Variants in CDH6 observed in about 807,000 individuals in gnomAD.
CDH6 encodes the protein cadherin 6.
A neutral mutation model predicts 78.0 loss-of-function variants in CDH6; 31 were observed. The observed-to-expected ratio is 0.40, with a 90% CI of 0.30 to 0.54. The LOEUF (loss-of-function observed/expected upper bound fraction) is 0.54. Ranked by LOEUF, CDH6 falls within the 20% of genes least tolerant of loss-of-function variation. The pLI, the probability that CDH6 is intolerant of heterozygous loss-of-function variation, is 0.56. For synonymous variants in CDH6, 376 were observed against 368.8 expected (o/e 1.02, Z -0.23); for missense variants, 724 against 975.9 (o/e 0.74, Z 3.44).
At chr5:31,275,656 A>G (rs1046813147) in intron 2 of CDH6, among the ~76,000 whole-genome samples, 1 of 152,192 alleles carries the variant, frequency 6.6e-6, no homozygotes, top group East Asian at 1.9e-4. Context: ...ATAATGCTGC[A>G]TTGAACATGT....
intron 6 of CDH6, among the ~76,000 whole-genome samples, chr5:31,302,916 A>AAAGAAAGAAAG (rs1561066391): frequency 8.6e-6 from 1 of 116,834 alleles, no homozygotes; most frequent in African/African-American, 2.7e-5. Flanking sequence ...AGAAAGAAAG[A>AAAGAAAGAAAG]AAGAAAGAAA....
chr5:31,317,544 T>C, intron 10 of CDH6, 52 bp downstream of exon 10: 2 of 1,505,394 alleles, frequency 1.3e-6, no homozygotes, highest in Non-Finnish European at 1.8e-6. Flanking sequence ...TATCCGTAAC[T>C]GTTTCTGTAT....
chr5:31,247,047 G>A (rs1037229951), intron 1 of CDH6, among the ~76,000 whole-genome samples: 14 of 152,124 alleles, frequency 9.2e-5, no homozygotes, highest in African/African-American at 3.4e-4. Context: ...TACCGCACCC[G>A]GCCTAAAGAC....
At position 31,324,929 on chromosome 5, in the gene CDH6, T is replaced by C. The variant is rs903652345; in HGVS notation, c.*1621T>C. The C allele has an allele frequency of 5.5e-5, 11 of 200,936 alleles. No individual in the cohort carries two copies. Among genetic ancestry groups the C allele is most frequent in the Non-Finnish European group, 9.2e-5 (9 of 97,680 alleles). The allele number at this position is 200,936 out of a possible 1,614,324, so 12.4% of individuals were successfully genotyped here. On this transcript the variant is annotated 3_prime_UTR_variant, in exon 12 of 12. Coordinates refer to ENST00000265071, the MANE Select transcript of CDH6 (RefSeq NM_004932.4). ...ACCTAAAAGACAGGCTCTGTATATA[T>C]ATATACTTAAGAATATGCTGACTTC... is the stretch of plus-strand genomic sequence containing the variant.
At chr5:31,267,977 T>C (rs1455682145) in intron 2 of CDH6, among the ~76,000 whole-genome samples, 1 of 152,226 alleles carries the variant, frequency 6.6e-6, no homozygotes, top group Non-Finnish European at 1.5e-5. Flanking sequence ...ATTTTTACTG[T>C]AGCTTAAAAA....
chr5:31,236,695 G>C (rs1336647294), intron 1 of CDH6, among the ~76,000 whole-genome samples: 2 of 152,138 alleles, frequency 1.3e-5, no homozygotes, highest in Admixed American at 6.6e-5. Context: ...CCATCTCCCA[G>C]TGTCATTTTG....
In CDH6 at chr5:31,230,780, A is replaced by G. The variant is rs527921282; in HGVS notation, c.-128-36566A>G. Among the ~76,000 whole-genome samples, 12 of 152,362 alleles carry G rather than the reference A, an allele frequency of 7.9e-5. No individual in the cohort carries two copies. In the East Asian group the frequency reaches 2.3e-3, roughly 29 times the overall value. ...AAATAATTCTAAAGAGAAATTAGAGATGTATACAAAAGAAGCTAAACAATA... is the reference window on the plus strand; with the variant it reads ...AAATAATTCTAAAGAGAAATTAGAGGTGTATACAAAAGAAGCTAAACAATA... On this transcript the variant is annotated intron_variant, in intron 1 of 11. Transcript: ENST00000265071.
intron 1 of CDH6, among the ~76,000 whole-genome samples, chr5:31,241,611 A>G (rs796386609): frequency 3.3e-5 from 5 of 152,320 alleles, no homozygotes; most frequent in African/African-American, 1.2e-4. Context: ...GATGATGATG[A>G]CTTTCAGATA....
chr5:31,275,663 A>G (rs943656075), intron 2 of CDH6, among the ~76,000 whole-genome samples: 2 of 152,168 alleles, frequency 1.3e-5, no homozygotes, highest in Non-Finnish European at 2.9e-5. Context: ...TGCATTGAAC[A>G]TGTGAGTCCA....
At position 31,312,059 on chromosome 5, in the gene CDH6, T is replaced by C. The variant is rs116146131; in HGVS notation, c.1254-1259T>C. On this transcript the variant is annotated intron_variant, in intron 7 of 11. Coordinates refer to ENST00000265071, the MANE Select transcript of CDH6 (RefSeq NM_004932.4). ...CCTTCTTAAATATTTATCAAGTTCC[T>C]AGTCTGTTCCAGGCACCACTGTGGT... Among the ~76,000 whole-genome samples the C allele has an allele frequency of 3.2e-3, 488 of 152,360 alleles. 5 individuals carry two copies. The highest frequency in any genetic ancestry group is 0.011 in the African/African-American group (462 of 41,580).
intron 1 of CDH6, among the ~76,000 whole-genome samples, chr5:31,242,465 T>C (rs960964918): frequency 2.6e-5 from 4 of 152,156 alleles, no homozygotes; most frequent in Non-Finnish European, 5.9e-5. Context: ...GAGAATCCCA[T>C]GGGCATGAAC....
rs186681628 is a variant in CDH6 at position 31,275,948 on chromosome 5, G to A, written c.228+8247G>A. ...ACCAAAAATAAACAGACATACGGGAGGGGTCCTCCCTTTGACAGCCTTCAT... is the reference window on the plus strand; with the variant it reads ...ACCAAAAATAAACAGACATACGGGAAGGGTCCTCCCTTTGACAGCCTTCAT... On this transcript the variant is annotated intron_variant, in intron 2 of 11. Transcript: ENST00000265071. Among the ~76,000 whole-genome samples, 16 of 152,328 alleles carry A rather than the reference G, an allele frequency of 1.1e-4. No individual in the cohort carries two copies. In the East Asian group the frequency reaches 3.1e-3, roughly 29 times the overall value.
rs76184644 is a variant in CDH6 at position 31,283,277 on chromosome 5, G to A, written c.229-10685G>A. Among the ~76,000 whole-genome samples, 85 of 152,266 alleles carry A rather than the reference G, an allele frequency of 5.6e-4. 1 individual carries two copies. The East Asian group carries it at 0.011, about 20-fold the overall frequency. ...TGAAAAACACTGAATTAGATAATTC[G>A]TTGTAACTCAAAATATTGTTTGGTA... On this transcript the variant is annotated intron_variant, in intron 2 of 11. Transcript: ENST00000265071.
intron 11 of CDH6, 45 bp from the exon 12 acceptor site, chr5:31,322,773 C>G (rs1267983744): frequency 1.9e-6 from 3 of 1,568,926 alleles, no homozygotes; most frequent in Non-Finnish European, 2.6e-6. Context: ...AATTGGGCAG[C>G]AAATTAACTT....
At chr5:31,230,606 T>A (rs55893892) in intron 1 of CDH6, among the ~76,000 whole-genome samples, 4 of 152,072 alleles carry the variant, frequency 2.6e-5, no homozygotes. Flanking sequence ...AAGAAACTTA[T>A]AGGCAAAGCA....
intron 2 of CDH6, among the ~76,000 whole-genome samples, chr5:31,274,983 G>A (rs1742651673): frequency 6.6e-6 from 1 of 152,198 alleles, no homozygotes; most frequent in African/African-American, 2.4e-5. Context: ...TTTGGGCACA[G>A]CCCTTTGAGT....
intron 1 of CDH6, among the ~76,000 whole-genome samples, chr5:31,208,296 T>C (rs566668027): frequency 6.6e-6 from 1 of 152,316 alleles, no homozygotes; most frequent in East Asian, 1.9e-4. Flanking sequence ...TGGGCTTAGA[T>C]TTGTGGCGTG....
At chr5:31,308,896 G>A (rs1227343092) in intron 7 of CDH6, among the ~76,000 whole-genome samples, 2 of 151,992 alleles carry the variant, frequency 1.3e-5, no homozygotes, top group Non-Finnish European at 2.9e-5. Context: ...CACATCTTAA[G>A]CTTAGCATTT....
At chr5:31,266,836 G>C (rs946234630) in intron 1 of CDH6, among the ~76,000 whole-genome samples, 2 of 152,160 alleles carry the variant, frequency 1.3e-5, no homozygotes, top group Non-Finnish European at 1.5e-5. Flanking sequence ...CATCTCTGAA[G>C]CCAAGAGTCT....
Sources: allele counts gnomAD v4.1 joint callset (sites outside exome capture counted in the v4.1 genomes callset), GRCh38; gene constraint gnomAD v4.1.1; transcripts MANE v1.5; gene names NCBI Gene and HGNC (gene_info 2026-07-23, HGNC 2026-07-21).